The following SRGAP1 variants were observed in gnomAD, a reference collection of about 807,000 sequenced individuals.
SRGAP1 encodes SLIT-ROBO Rho GTPase-activating protein 1.
Under a neutral mutation model 121.9 loss-of-function variants are expected in SRGAP1, and 43 were observed. The observed-to-expected ratio is 0.35, with a 90% CI of 0.28 to 0.46. The LOEUF is 0.46. Ranked by LOEUF, SRGAP1 falls within the 20% of genes least tolerant of loss-of-function variation. SRGAP1 has a pLI of 1.00. For synonymous variants in SRGAP1, 447 were observed against 485.4 expected (o/e 0.92, Z 1.04); for missense variants, 1,102 against 1,350.9 (o/e 0.82, Z 2.89).
intron 2 of SRGAP1, among the ~76,000 whole-genome samples, chr12:63,984,629 T>C (rs924565947): frequency 4.6e-5 from 7 of 152,206 alleles, no homozygotes; most frequent in African/African-American, 1.4e-4. Context: ...GAAAATGCTA[T>C]GAATGAGCAT....
chr12:63,879,399 A>G (rs1439706373), intron 1 of SRGAP1: 3 of 152,152 alleles, frequency 2.0e-5, no homozygotes, highest in African/African-American at 7.2e-5. Flanking sequence ...CAGACTATCT[A>G]TGGTGAAGGC....
intron 1 of SRGAP1, among the ~76,000 whole-genome samples, chr12:63,850,430 AT>A (rs11326159): frequency 0.67 from 97,617 of 145,180 alleles, 33,917 homozygotes; most frequent in African/African-American, 0.89. Flanking sequence ...AAATTGGCCA[AT>A]TTTTTTTTTT....
chr12:64,011,684 A>T (rs369540733), intron 3 of SRGAP1, among the ~76,000 whole-genome samples: 1 of 152,240 alleles, frequency 6.6e-6, no homozygotes, highest in East Asian at 1.9e-4. Flanking sequence ...ATGTTAATGT[A>T]CATTTACTAG....
chr12:63,955,962 A>AGT lies in SRGAP1; in HGVS notation c.68-27983_68-27982dup, dbSNP rs2032450825. On this transcript the variant is annotated intron_variant, in intron 1 of 21. Coordinates refer to ENST00000355086, the MANE Select transcript of SRGAP1 (RefSeq NM_020762.4). ...GTGTTCTCAAAAGGCTCCGTCCGAAAGTGAACACGTGCTTCAGTTTGTTAT... is the reference window on the plus strand; with the variant it reads ...GTGTTCTCAAAAGGCTCCGTCCGAAAGTGTGAACACGTGCTTCAGTTTGTTAT... 2.0e-5 allele frequency among the ~76,000 whole-genome samples: 3 copies of AGT among 152,302 alleles called. No homozygotes were observed. In the South Asian group the frequency reaches 6.2e-4, roughly 32 times the overall value.
At chr12:64,129,720 T>G (rs769945705) in intron 21 of SRGAP1, among the ~76,000 whole-genome samples, 50 of 152,220 alleles carry the variant, frequency 3.3e-4, no homozygotes, top group Non-Finnish European at 4.9e-4. Flanking sequence ...TGCTATTACA[T>G]AAAGTTAACA....
chr12:63,987,058 C>T (rs1024563325), intron 2 of SRGAP1, among the ~76,000 whole-genome samples: 38 of 152,120 alleles, frequency 2.5e-4, no homozygotes, highest in Middle Eastern at 3.2e-3. Flanking sequence ...CCTCTCTGAG[C>T]CTTGGTGTCC....
intron 1 of SRGAP1, among the ~76,000 whole-genome samples, chr12:63,880,204 C>T (rs1900150308): frequency 6.6e-6 from 1 of 152,154 alleles, no homozygotes; most frequent in African/African-American, 2.4e-5. Context: ...GAAGCCTCCC[C>T]AGCCATGTAG....
At chr12:63,895,037 C>T (rs1271885531) in intron 1 of SRGAP1, among the ~76,000 whole-genome samples, 1 of 152,188 alleles carries the variant, frequency 6.6e-6, no homozygotes, top group Non-Finnish European at 1.5e-5. Context: ...GTTCTAGATC[C>T]TTGAGGAATC....
chr12:64,094,336 AC>A lies in SRGAP1; in HGVS notation c.1540-595del, dbSNP rs201861143. Among the ~76,000 whole-genome samples the A allele has an allele frequency of 8.1e-3, 1,231 of 152,330 alleles. 14 individuals are homozygous for A. The highest frequency in any genetic ancestry group is 0.028 in the African/African-American group (1,155 of 41,590). ...CCCAAAAATGTTCCTTTCTAAAAAA[AC>A]AAATCTGCGATATACAGTTGTGCCA... is the stretch of plus-strand genomic sequence containing the variant. On this transcript the variant is annotated intron_variant, in intron 12 of 21. Transcript: ENST00000355086.
Position 64,158,503 on chromosome 12 carries a change from A to C in SRGAP1, c.*15831A>C, listed in dbSNP as rs1431285496. Reference sequence around the variant, plus strand: ...AATTAAAATCAGTATTGATTGGATTATGCTTTGATAAAAATGTAACTTCAT... The same window carrying C: ...AATTAAAATCAGTATTGATTGGATTCTGCTTTGATAAAAATGTAACTTCAT... On this transcript the variant is annotated 3_prime_UTR_variant, in exon 22 of 22. Coordinates refer to ENST00000355086, the MANE Select transcript of SRGAP1 (RefSeq NM_020762.4). 1 of 152,244 alleles carries C rather than the reference A, an allele frequency of 6.6e-6. No individual in the cohort carries two copies. Among genetic ancestry groups the C allele is most frequent in the Non-Finnish European group, 1.5e-5 (1 of 68,040 alleles). The allele number at this position is 152,244 out of a possible 1,614,324, so 9.4% of individuals were successfully genotyped here.
At chr12:63,866,120 AT>A (rs1899622127) in intron 1 of SRGAP1, among the ~76,000 whole-genome samples, 1 of 152,164 alleles carries the variant, frequency 6.6e-6, no homozygotes, top group Non-Finnish European at 1.5e-5. Flanking sequence ...GCTTTCCAAT[AT>A]GCTTCAAATG....
At chr12:63,917,326 T>G (rs2030829106) in intron 1 of SRGAP1, among the ~76,000 whole-genome samples, 1 of 152,146 alleles carries the variant, frequency 6.6e-6, no homozygotes, top group African/African-American at 2.4e-5. Context: ...TGAGCAGAAC[T>G]GGAAAAGACT....
At chr12:64,022,578 G>A (rs915705124) in intron 4 of SRGAP1, among the ~76,000 whole-genome samples, 5 of 152,052 alleles carry the variant, frequency 3.3e-5, no homozygotes, top group African/African-American at 7.2e-5. Context: ...GGCACCCCAC[G>A]GCCTAGTCAA....
intron 1 of SRGAP1, among the ~76,000 whole-genome samples, chr12:63,900,658 C>G (rs978783259): frequency 1.7e-4 from 25 of 151,302 alleles, no homozygotes; most frequent in African/African-American, 6.1e-4. Flanking sequence ...ACTAAAAACA[C>G]AAAAAATTAG....
At chr12:63,974,077 A>T (rs552177313) in intron 1 of SRGAP1, among the ~76,000 whole-genome samples, 66 of 152,332 alleles carry the variant, frequency 4.3e-4, no homozygotes, top group Middle Eastern at 3.4e-3. Context: ...ATTATGGGGA[A>T]GTTAATGAAA....
intron 1 of SRGAP1, among the ~76,000 whole-genome samples, chr12:63,954,688 A>AAAAAGAAAAG (rs1555244918): frequency 3.1e-5 from 4 of 130,220 alleles, no homozygotes; most frequent in East Asian, 4.4e-4. Flanking sequence ...AAAAAAAAAA[A>AAAAAGAAAAG]AAAAGAAAAG....
chr12:64,011,675 T>C lies in SRGAP1; in HGVS notation c.427-5275T>C, dbSNP rs189595198. ...TTGGAAACAGTACACTTAAATTTAA[T>C]GTTAATGTACATTTACTAGGTAGTT... On this transcript the variant is annotated intron_variant, in intron 3 of 21. Coordinates refer to ENST00000355086, the MANE Select transcript of SRGAP1 (RefSeq NM_020762.4). Among the ~76,000 whole-genome samples the C allele has an allele frequency of 6.6e-5, 10 of 152,340 alleles. No homozygotes were observed. The East Asian group carries it at 1.5e-3, about 24-fold the overall frequency.
At chr12:64,088,926 T>G (rs962570566) in intron 11 of SRGAP1, among the ~76,000 whole-genome samples, 12 of 152,254 alleles carry the variant, frequency 7.9e-5, no homozygotes, top group Admixed American at 3.3e-4. Flanking sequence ...TCTAATCTGC[T>G]TAGCTTTGTC....
At chr12:64,041,328 T>C (rs1156400839) in intron 4 of SRGAP1, among the ~76,000 whole-genome samples, 1 of 151,922 alleles carries the variant, frequency 6.6e-6, no homozygotes, top group Non-Finnish European at 1.5e-5. Context: ...ATCTCAGTTT[T>C]TTAAAGAGAG....
Sources: gnomAD v4.1 joint callset for allele counts (sites outside exome capture counted in the v4.1 genomes callset) on GRCh38, gnomAD v4.1.1 for gene constraint, MANE v1.5 for transcripts, NCBI Gene and HGNC (gene_info 2026-07-23, HGNC 2026-07-21) for gene names.